Variants in TENM2 observed in about 807,000 individuals in gnomAD.
TENM2 encodes teneurin-2.
TENM2 carries 52 observed loss-of-function variants against 245.2 expected under a neutral mutation model. That is an observed-to-expected ratio of 0.21 (90% confidence interval 0.17 to 0.27). The LOEUF is 0.27. Among genes scored for constraint, TENM2 ranks in the 10% least tolerant of loss-of-function variants. The pLI is 1.00. For synonymous variants in TENM2, 1,363 were observed against 1,438.9 expected (o/e 0.95, Z 1.19); for missense variants, 3,046 against 3,666.8 (o/e 0.83, Z 4.37).
chr5:167,682,490 G>A (rs1756798553), intron 2 of TENM2, among the ~76,000 whole-genome samples: 1 of 151,972 alleles, frequency 6.6e-6, no homozygotes, highest in African/African-American at 2.4e-5. Context: ...GAAACTTATT[G>A]TTATGGATGC....
chr5:167,185,004 C>T, the TENM2 span, among the ~76,000 whole-genome samples: 355 of 152,320 alleles, frequency 2.3e-3, 3 homozygotes, highest in African/African-American at 7.3e-3. Flanking sequence ...CGCTGCTGAT[C>T]TGACAGGGGG....
intron 2 of TENM2, among the ~76,000 whole-genome samples, chr5:167,702,319 T>C (rs1406456346): frequency 6.6e-6 from 1 of 152,078 alleles, no homozygotes; most frequent in East Asian, 1.9e-4. Flanking sequence ...AGGATAGAGC[T>C]GCTTGGGTTT....
chr5:168,220,345 G>T (rs1186006481), intron 23 of TENM2, among the ~76,000 whole-genome samples: 1 of 152,180 alleles, frequency 6.6e-6, no homozygotes, highest in Non-Finnish European at 1.5e-5. Flanking sequence ...ACTGGGCCTG[G>T]TTTACAGACT....
the TENM2 span, among the ~76,000 whole-genome samples, chr5:166,991,849 AGTCTT>A: frequency 6.4e-4 from 97 of 152,216 alleles, no homozygotes; most frequent in Non-Finnish European, 1.1e-3. Context: ...CCTATTAGTA[AGTCTT>A]GTCTTTTACT....
chr5:167,339,541 T>C (rs1757972403), intron 1 of TENM2, among the ~76,000 whole-genome samples: 1 of 152,128 alleles, frequency 6.6e-6, no homozygotes, highest in African/African-American at 2.4e-5. Flanking sequence ...ATGCATGATA[T>C]GAGGATTTTC....
At chr5:167,366,044 C>T (rs570728503) in intron 1 of TENM2, among the ~76,000 whole-genome samples, 4 of 151,664 alleles carry the variant, frequency 2.6e-5, no homozygotes, top group African/African-American at 9.7e-5. Flanking sequence ...AATTGATAAA[C>T]TAAAAACATA....
chr5:168,035,629 A>G (rs1787596992), intron 5 of TENM2, among the ~76,000 whole-genome samples: 1 of 152,196 alleles, frequency 6.6e-6, no homozygotes, highest in South Asian at 2.1e-4. Context: ...AAGAGACCCA[A>G]CTTCGGTCAC....
intron 2 of TENM2, among the ~76,000 whole-genome samples, chr5:167,674,961 C>T (rs1245903419): frequency 2.6e-5 from 4 of 152,044 alleles, no homozygotes; most frequent in Admixed American, 2.0e-4. Flanking sequence ...CTCACTTTTG[C>T]CTTCTTCATT....
chr5:167,561,264 C>T (rs1038822659), intron 2 of TENM2, among the ~76,000 whole-genome samples: 4 of 152,200 alleles, frequency 2.6e-5, no homozygotes, highest in East Asian at 1.9e-4. Flanking sequence ...TTACATTGCA[C>T]ATTTCATTCT....
chr5:168,010,587 C>G (rs1480846486), intron 5 of TENM2, among the ~76,000 whole-genome samples: 1 of 152,104 alleles, frequency 6.6e-6, no homozygotes, highest in African/African-American at 2.4e-5. Flanking sequence ...TAAGGGCTCC[C>G]AAAAAGATCC....
At chr5:167,418,509 A>G (rs1236011304) in intron 2 of TENM2, among the ~76,000 whole-genome samples, 3 of 152,110 alleles carry the variant, frequency 2.0e-5, no homozygotes, top group South Asian at 2.1e-4. Flanking sequence ...GGAAAATTAG[A>G]TTGTCTTCTA....
At chr5:168,208,418 A>G (rs57478688) in intron 19 of TENM2, among the ~76,000 whole-genome samples, 3,929 of 152,318 alleles carry the variant, frequency 0.026, 207 homozygotes, top group East Asian at 0.25. Flanking sequence ...CCTTCAGAGA[A>G]GGGACATGTC....
At chr5:167,280,391 G>C (rs1432804445), upstream of TENM2, among the ~76,000 whole-genome samples, 1 of 152,176 alleles carries the variant, frequency 6.6e-6, no homozygotes, top group Non-Finnish European at 1.5e-5. Context: ...ATGCTCAGTG[G>C]GGGTGGACGA....
intron 6 of TENM2, among the ~76,000 whole-genome samples, chr5:168,052,897 T>C (rs1046045619): frequency 1.3e-5 from 2 of 152,192 alleles, no homozygotes; most frequent in African/African-American, 4.8e-5. Flanking sequence ...TTTAGAAACA[T>C]GTTTTTCTAC....
chr5:167,224,601 T>C, the TENM2 span, among the ~76,000 whole-genome samples: 2 of 152,114 alleles, frequency 1.3e-5, no homozygotes, highest in Non-Finnish European at 2.9e-5. Context: ...CCTTGTGATA[T>C]ACTTGGGAGC....
chr5:167,673,169 A>G (rs920670794), intron 2 of TENM2, among the ~76,000 whole-genome samples: 4 of 151,932 alleles, frequency 2.6e-5, no homozygotes, highest in Non-Finnish European at 5.9e-5. Context: ...TGTAGGTAAG[A>G]CTCCATAAAG....
At chr5:167,564,668 G>C (rs966575975) in intron 2 of TENM2, among the ~76,000 whole-genome samples, 1 of 152,176 alleles carries the variant, frequency 6.6e-6, no homozygotes, top group Non-Finnish European at 1.5e-5. Flanking sequence ...GGACTTGCCT[G>C]TACTCACTTG....
chr5:167,117,815 AT>A, the TENM2 span, among the ~76,000 whole-genome samples: 1 of 151,936 alleles, frequency 6.6e-6, no homozygotes, highest in South Asian at 2.1e-4. Flanking sequence ...TGTCAGGATC[AT>A]CCCCTCCCCC....
At chr5:167,017,495 G>C in the TENM2 span, among the ~76,000 whole-genome samples, 1 of 152,170 alleles carries the variant, frequency 6.6e-6, no homozygotes, top group African/African-American at 2.4e-5. Flanking sequence ...TATGTAAACA[G>C]ATGGGTGTTG....
Sources: allele counts gnomAD v4.1 joint callset (sites outside exome capture counted in the v4.1 genomes callset), GRCh38; gene constraint gnomAD v4.1.1; transcripts MANE v1.5; gene names NCBI Gene and HGNC (gene_info 2026-07-23, HGNC 2026-07-21).